The following MYH14 variants were observed in gnomAD, a reference collection of about 807,000 sequenced individuals.
The protein encoded by MYH14 is myosin heavy chain 14.
MYH14 carries 123 observed loss-of-function variants against 255.5 expected under a neutral mutation model. The ratio of observed to expected loss-of-function variants is 0.48; its 90% CI spans 0.42 to 0.56. The LOEUF is 0.56. Among genes scored for constraint, MYH14 ranks in the 20% least tolerant of loss-of-function variants. MYH14 has a pLI of 0.00. For synonymous variants in MYH14, 1,095 were observed against 1,161.2 expected (o/e 0.94, Z 1.16); for missense variants, 2,423 against 2,802.3 (o/e 0.86, Z 3.06).
At chr19:50,258,131 T>C (rs756212402) in intron 18 of MYH14, among the ~76,000 whole-genome samples, 5 of 152,010 alleles carry the variant, frequency 3.3e-5, no homozygotes, top group Non-Finnish European at 7.4e-5. Context: ...ATGTTTGCCA[T>C]GTTGCCCAGG....
At position 50,272,786 on chromosome 19, in the gene MYH14, G is replaced by A. The variant is rs1185589027; in HGVS notation, c.3467+55G>A. The A allele has an allele frequency of 3.3e-6, 5 of 1,521,698 alleles. No individual in the cohort carries two copies. The East Asian group carries it at 1.2e-4, about 37-fold the overall frequency. 94.3% of individuals were successfully genotyped at this position (1,521,698 alleles called of 1,614,324 possible). A position where few individuals can be genotyped will look rare whatever the true frequency, so the allele number is the denominator to read the frequency against. ...AGCAGCATGGGTGCACGGCCAGCCAGCGTGGGGTGCCCAAGTCAGAAGCTC... is the reference window on the plus strand; with the variant it reads ...AGCAGCATGGGTGCACGGCCAGCCAACGTGGGGTGCCCAAGTCAGAAGCTC... On this transcript the variant is annotated intron_variant, in intron 27 of 42. Coordinates refer to ENST00000642316, the MANE Select transcript of MYH14 (RefSeq NM_001145809.2).
chr19:50,269,607 A>T (rs980924171), intron 24 of MYH14, among the ~76,000 whole-genome samples: 1 of 152,230 alleles, frequency 6.6e-6, no homozygotes, highest in Admixed American at 6.5e-5. Flanking sequence ...ACATCACACC[A>T]CAGACGGCCA....
intron 22 of MYH14, 120 bp downstream of exon 22, chr19:50,263,540 C>CG: frequency 1.7e-6 from 1 of 574,252 alleles, no homozygotes; most frequent in Non-Finnish European, 2.9e-6. Flanking sequence ...AAAATGGGGC[C>CG]AGTCGGCCCA....
rs909828514 is a variant in MYH14 at position 50,271,722 on chromosome 19, G to A, written c.3172-127G>A. On this transcript the variant is annotated intron_variant, in intron 25 of 42. Coordinates refer to ENST00000642316, the MANE Select transcript of MYH14 (RefSeq NM_001145809.2). The stretch of plus-strand genomic sequence containing the variant: ...GAAGGAGAGGGAGGTGTAGGGGGAG[G>A]AAGGTCAGAGAAGGGTGAAAAGGAG... 5.4e-6 allele frequency: 8 copies of A among 1,477,150 alleles called. No homozygotes were observed. The African/African-American group carries it at 8.4e-5, about 15-fold the overall frequency. The allele number at this position is 1,477,150 out of a possible 1,614,324, so 91.5% of individuals were successfully genotyped here. A position where few individuals can be genotyped will look rare whatever the true frequency, so the allele number is the denominator to read the frequency against.
intron 40 of MYH14, among the ~76,000 whole-genome samples, chr19:50,306,358 C>A (rs962940893): frequency 2.0e-5 from 3 of 152,182 alleles, no homozygotes; most frequent in Non-Finnish European, 4.4e-5. Flanking sequence ...CTGTGCCTTC[C>A]TCTCAGCACA....
intron 36 of MYH14, 23 bp from the exon 37 acceptor site, chr19:50,292,238 T>C: frequency 6.3e-7 from 1 of 1,586,000 alleles, no homozygotes; most frequent in South Asian, 1.2e-5. Flanking sequence ...GCTGAGCCCA[T>C]CTACCTATTC....
chr19:50,212,651 G>A (rs78342471), intron 2 of MYH14, among the ~76,000 whole-genome samples: 5,848 of 152,264 alleles, frequency 0.038, 119 homozygotes, highest in Middle Eastern at 0.054. Context: ...TTCACAAAGC[G>A]GAAGATTAGA....
intron 33 of MYH14, among the ~76,000 whole-genome samples, chr19:50,284,098 A>AAC (rs2035812133): frequency 6.6e-6 from 1 of 151,888 alleles, no homozygotes; most frequent in African/African-American, 2.4e-5. Flanking sequence ...AAAACAAAAA[A>AAC]AAAACAAAAA....
At chr19:50,292,437 G>T in intron 37 of MYH14, 48 bp downstream of exon 37, 1 of 1,510,736 alleles carries the variant, frequency 6.6e-7, no homozygotes, top group South Asian at 1.3e-5. Flanking sequence ...TGGGAGGTGG[G>T]CAAGGCTAAC....
rs2033419846 is a variant in MYH14, at chr19:50,232,011, T to G, written c.1055T>G (p.Leu352Arg). ...PSSSPGQERE[L>R]FQETLESLRV... Reference sequence around the variant, plus strand: ...TCCTCTCCCGGCCAGGAGCGGGAACTCTTCCAGGAGACGCTGGAGTCGCTG... The same window carrying G: ...TCCTCTCCCGGCCAGGAGCGGGAACGCTTCCAGGAGACGCTGGAGTCGCTG... The change falls in exon 10 of 43, where the codon CTC becomes CGC. Residue 352 changes from leucine (L) to arginine (R), a missense_variant. Around this residue, in one of 3 missense-constraint regions of MYH14, gnomAD observed 672 missense variants for 881.8 expected, o/e 0.76. Coordinates refer to ENST00000642316, the MANE Select transcript of MYH14 (RefSeq NM_001145809.2). The G allele has an allele frequency of 6.2e-7, 1 of 1,613,770 alleles. No homozygotes were observed. The highest frequency in any genetic ancestry group is 2.2e-5 in the East Asian group (1 of 44,882).
chr19:50,267,508 C>T lies in MYH14; in HGVS notation c.2826+500C>T, dbSNP rs918208401. Among the ~76,000 whole-genome samples the T allele has an allele frequency of 2.0e-5, 3 of 152,020 alleles. No individual in the cohort carries two copies. In the East Asian group the frequency reaches 5.8e-4, roughly 29 times the overall value. On this transcript the variant is annotated intron_variant, in intron 23 of 42. Transcript: ENST00000642316. Reference sequence around the variant, plus strand: ...CTCTACTAAAAATGCAAAAATTAGCCGGGTGTGATGGCGCACGCCTGTAAT... The same window carrying T: ...CTCTACTAAAAATGCAAAAATTAGCTGGGTGTGATGGCGCACGCCTGTAAT...
chr19:50,204,517 T>C (rs1002073625), intron 1 of MYH14, among the ~76,000 whole-genome samples: 1 of 152,176 alleles, frequency 6.6e-6, no homozygotes, highest in African/African-American at 2.4e-5. Context: ...TGTGTGATCT[T>C]GAGTGCCTTA....
intron 8 of MYH14, among the ~76,000 whole-genome samples, chr19:50,227,491 C>T (rs1169124627): frequency 6.6e-6 from 1 of 152,102 alleles, no homozygotes; most frequent in African/African-American, 2.4e-5. Flanking sequence ...CAAAATTCCA[C>T]ACTCCCGGGA....
At chr19:50,229,666 C>CA (rs762179217) in intron 8 of MYH14, among the ~76,000 whole-genome samples, 1 of 151,880 alleles carries the variant, frequency 6.6e-6, no homozygotes, top group Non-Finnish European at 1.5e-5. Flanking sequence ...CAAAACAAAA[C>CA]AAACAAAAGT....
rs1234756737 is a variant in MYH14 at position 50,309,104 on chromosome 19, C to T, written c.5887C>T (p.Arg1963Cys). 3.1e-6 allele frequency: 5 copies of T among 1,613,768 alleles called. No individual in the cohort carries two copies. Among genetic ancestry groups the T allele is most frequent in the Non-Finnish European group, 4.2e-6 (5 of 1,179,820 alleles). ...TCAGGCCGGCCGCCGGAGGCTGCAGCGTGAGCTGGAAGATGTCACAGAGTC... is the reference window on the plus strand; with the variant it reads ...TCAGGCCGGCCGCCGGAGGCTGCAGTGTGAGCTGGAAGATGTCACAGAGTC... ...RAQAGRRRLQ[R>C]ELEDVTESAE... The change falls in exon 42 of 43, where the codon CGT becomes TGT. Residue 1963 changes from arginine to cysteine, a missense_variant. By Grantham distance (180) the Arg-to-Cys change is radical. This residue lies in a region of MYH14 where 1,513 missense variants were observed against 1,674.8 expected (regional missense o/e 0.90). Transcript: ENST00000642316.
chr19:50,210,066 C>G (rs1429829410), intron 1 of MYH14, among the ~76,000 whole-genome samples: 3 of 137,382 alleles, frequency 2.2e-5, no homozygotes, highest in Non-Finnish European at 4.6e-5. Context: ...CCATTGCACT[C>G]CAGCCTGGGC....
intron 2 of MYH14, among the ~76,000 whole-genome samples, chr19:50,211,066 G>A (rs372076861): frequency 2.0e-5 from 3 of 152,256 alleles, no homozygotes; most frequent in African/African-American, 7.2e-5. Flanking sequence ...TTTAAGGAAC[G>A]GAAACAGATG....
intron 35 of MYH14, among the ~76,000 whole-genome samples, chr19:50,290,547 T>C (rs2036036768): frequency 6.6e-6 from 1 of 152,098 alleles, no homozygotes; most frequent in Non-Finnish European, 1.5e-5. Context: ...GGGTTTTGTC[T>C]CTGCTAGCCC....
intron 39 of MYH14, among the ~76,000 whole-genome samples, chr19:50,298,930 A>T (rs2123471423): frequency 6.6e-6 from 1 of 152,016 alleles, no homozygotes; most frequent in Admixed American, 6.5e-5. Context: ...AAAAACAACA[A>T]CAACAACAAA....
Sources: allele counts gnomAD v4.1 joint callset (sites outside exome capture counted in the v4.1 genomes callset), GRCh38; gene constraint gnomAD v4.1.1; regional missense constraint gnomAD v4.1.1; transcripts MANE v1.5; gene names NCBI Gene and HGNC (gene_info 2026-07-23, HGNC 2026-07-21).